Variants in NPAS3 observed in about 807,000 individuals in gnomAD.
The protein encoded by NPAS3 is neuronal PAS domain-containing protein 3.
NPAS3 carries 14 observed loss-of-function variants against 73.1 expected under a neutral mutation model. The ratio of observed to expected loss-of-function variants is 0.19; its 90% confidence interval spans 0.13 to 0.30. NPAS3 has a LOEUF of 0.30. NPAS3 is among the 10% of genes least tolerant of loss of function. The pLI is 1.00. For synonymous variants in NPAS3, 620 were observed against 541.5 expected (o/e 1.14, Z -2.01); for missense variants, 1,096 against 1,250.0 (o/e 0.88, Z 1.86).
rs548148466 is a variant in NPAS3, at chr14:33,217,521, CG to C, written c.385+2096del. Among the ~76,000 whole-genome samples the C allele has an allele frequency of 7.9e-5, 12 of 151,968 alleles. No individual in the cohort carries two copies. In the South Asian group the frequency reaches 2.5e-3, roughly 32 times the overall value. ...TAATAATTATTCAAATATATAAGTT[CG>C]AAAAATATATTATTCAAATGAAATG... On this transcript the variant is annotated intron_variant, in intron 3 of 11. Coordinates refer to ENST00000356141, the Ensembl canonical transcript of NPAS3.
At chr14:32,977,381 C>CA (rs1595137009) in intron 1 of NPAS3, among the ~76,000 whole-genome samples, 5 of 148,540 alleles carry the variant, frequency 3.4e-5, no homozygotes, top group Non-Finnish European at 4.4e-5. Flanking sequence ...CACACACACA[C>CA]CCCTAATCTA....
intron 4 of NPAS3, among the ~76,000 whole-genome samples, chr14:33,427,768 A>G (rs984694207): frequency 6.6e-6 from 1 of 152,102 alleles, no homozygotes; most frequent in Non-Finnish European, 1.5e-5. Context: ...GCTGGCACAT[A>G]TAGGTGCTCC....
chr14:33,715,952 G>A (rs80208815), intron 6 of NPAS3, among the ~76,000 whole-genome samples: 8,811 of 152,052 alleles, frequency 0.058, 334 homozygotes, highest in South Asian at 0.19. Flanking sequence ...CTCCTCCCTC[G>A]CCTTCCACCA....
chr14:32,949,288 G>A (rs2139126643), intron 1 of NPAS3, among the ~76,000 whole-genome samples: 1 of 152,006 alleles, frequency 6.6e-6, no homozygotes, highest in African/African-American at 2.4e-5. Context: ...GTAGTCCTGT[G>A]TTCCTTTTAA....
chr14:33,422,900 G>T (rs1373714592), intron 4 of NPAS3, among the ~76,000 whole-genome samples: 1 of 151,990 alleles, frequency 6.6e-6, no homozygotes, highest in Non-Finnish European at 1.5e-5. Context: ...TTAAAATTCA[G>T]TTGAATGAAT....
At chr14:33,528,205 G>A (rs932848569) in intron 4 of NPAS3, among the ~76,000 whole-genome samples, 2 of 151,912 alleles carry the variant, frequency 1.3e-5, no homozygotes, top group African/African-American at 2.4e-5. Flanking sequence ...GAGACTCCAC[G>A]AGTTTAATGT....
chr14:33,322,269 C>T (rs373596148), intron 3 of NPAS3, among the ~76,000 whole-genome samples: 5 of 152,296 alleles, frequency 3.3e-5, no homozygotes, highest in African/African-American at 1.2e-4. Flanking sequence ...TTCTGATTCC[C>T]ATTGCCTCCG....
intron 3 of NPAS3, among the ~76,000 whole-genome samples, chr14:33,233,126 A>G (rs1161887288): frequency 6.6e-6 from 1 of 152,182 alleles, no homozygotes; most frequent in Non-Finnish European, 1.5e-5. Context: ...TGACTGATCA[A>G]GTATTTGATA....
intron 5 of NPAS3, among the ~76,000 whole-genome samples, chr14:33,585,147 T>C (rs1268776360): frequency 1.3e-5 from 2 of 149,326 alleles, no homozygotes; most frequent in East Asian, 3.9e-4. Flanking sequence ...AGAAAGAAAC[T>C]GTCATAGGAG....
At chr14:33,315,506 C>T (rs1231374110) in intron 3 of NPAS3, among the ~76,000 whole-genome samples, 6 of 149,458 alleles carry the variant, frequency 4.0e-5, no homozygotes, top group East Asian at 2.0e-4. Context: ...AAGAGTGTGT[C>T]GGGGGGGGAG....
rs1594779702 is a variant in NPAS3, at chr14:33,367,609, A to G, written c.468+341A>G. Among the ~76,000 whole-genome samples the G allele has an allele frequency of 2.0e-5, 3 of 151,280 alleles. No homozygotes were observed. In the East Asian group the frequency reaches 5.8e-4, roughly 29 times the overall value. On this transcript the variant is annotated intron_variant, in intron 4 of 11. Transcript: ENST00000356141. Reference sequence around the variant, plus strand: ...TGGATCTGTGTGTGTCTTTGGAGCTATATATTGTTTTTGGAAGAGCAAAGT... The same window carrying G: ...TGGATCTGTGTGTGTCTTTGGAGCTGTATATTGTTTTTGGAAGAGCAAAGT...
intron 5 of NPAS3, among the ~76,000 whole-genome samples, chr14:33,617,402 A>G (rs1046517654): frequency 2.0e-5 from 3 of 152,170 alleles, no homozygotes; most frequent in Admixed American, 6.5e-5. Context: ...AAAATCCCAG[A>G]AGAGAGGAAA....
rs367692280 is a variant in NPAS3 at position 33,463,419 on chromosome 14, A to G, written c.468+96151A>G. ...TAATAAAGCCAATAGCTCATTTGGA[A>G]TATTTACAGGAAAACCCCCATAGAA... On this transcript the variant is annotated intron_variant, in intron 4 of 11. Coordinates refer to ENST00000356141, the Ensembl canonical transcript of NPAS3. 7.2e-5 allele frequency among the ~76,000 whole-genome samples: 11 copies of G among 152,356 alleles called. No homozygotes were observed. The East Asian group carries it at 1.9e-3, about 27-fold the overall frequency.
intron 9 of NPAS3, among the ~76,000 whole-genome samples, chr14:33,784,720 T>TA (rs1294660302): frequency 1.4e-4 from 16 of 118,364 alleles, no homozygotes; most frequent in Admixed American, 6.3e-4. Context: ...TTTATTGTTA[T>TA]TTTTATTTAT....
chr14:32,977,356 G>GCATGCACA (rs1555313830), intron 1 of NPAS3, among the ~76,000 whole-genome samples: 1 of 141,448 alleles, frequency 7.1e-6, no homozygotes, highest in Non-Finnish European at 1.5e-5. Flanking sequence ...TCTCTGACAC[G>GCATGCACA]CACACACACA....
intron 9 of NPAS3, among the ~76,000 whole-genome samples, chr14:33,781,367 G>A (rs574381820): frequency 1.1e-4 from 17 of 152,298 alleles, no homozygotes; most frequent in South Asian, 2.1e-4. Context: ...ATTGTGTGAT[G>A]GAATGTCTGA....
chr14:33,317,255 A>G (rs528684719), intron 3 of NPAS3, among the ~76,000 whole-genome samples: 1 of 152,250 alleles, frequency 6.6e-6, no homozygotes, highest in South Asian at 2.1e-4. Flanking sequence ...ATCACAGCAC[A>G]TGTTCAGAGC....
intron 4 of NPAS3, among the ~76,000 whole-genome samples, chr14:33,473,693 TAGAG>T (rs746446892): frequency 3.5e-4 from 53 of 152,224 alleles, no homozygotes; most frequent in Admixed American, 5.2e-4. Context: ...GAACTGGAAA[TAGAG>T]AGAAAGTTTT....
intron 4 of NPAS3, among the ~76,000 whole-genome samples, chr14:33,466,346 A>C (rs868136610): frequency 8.5e-5 from 13 of 152,244 alleles, no homozygotes; most frequent in Non-Finnish European, 1.0e-4. Context: ...GATGCTAGAA[A>C]AAGCAGATGA....
Sources: gnomAD v4.1 joint callset for allele counts (sites outside exome capture counted in the v4.1 genomes callset) on GRCh38, gnomAD v4.1.1 for gene constraint, MANE v1.5 for transcripts, NCBI Gene and HGNC (gene_info 2026-07-23, HGNC 2026-07-21) for gene names.